The following DPP6 variants were observed in gnomAD, a reference collection of about 807,000 sequenced individuals.
The protein encoded by DPP6 is A-type potassium channel modulatory protein DPP6.
A neutral mutation model predicts 122.6 loss-of-function variants in DPP6; 69 were observed. That is an observed-to-expected ratio of 0.56 (90% CI 0.46 to 0.69). The LOEUF (loss-of-function observed/expected upper bound fraction) is 0.69, where lower values mean the gene tolerates loss of function less well. Ranked by LOEUF, DPP6 falls within the 30% of genes least tolerant of loss-of-function variation. The pLI is 0.00. For missense variants in DPP6, 928 were observed against 1,116.9 expected (o/e 0.83, Z 2.41); for synonymous variants, 418 against 433.1 (o/e 0.97, Z 0.43).
intron 1 of DPP6, among the ~76,000 whole-genome samples, chr7:154,236,976 C>T (rs1414234838): frequency 1.3e-5 from 2 of 152,184 alleles, no homozygotes; most frequent in African/African-American, 4.8e-5. Context: ...CCTTTACTCA[C>T]CCCCTGTGTC....
At chr7:154,150,774 C>T (rs1190859514) in intron 1 of DPP6, among the ~76,000 whole-genome samples, 1 of 152,210 alleles carries the variant, frequency 6.6e-6, no homozygotes, top group Non-Finnish European at 1.5e-5. Flanking sequence ...TACATTTATT[C>T]ATGCAGACGC....
chr7:154,605,177 A>G (rs1305378319), intron 5 of DPP6, among the ~76,000 whole-genome samples: 2 of 120,062 alleles, frequency 1.7e-5, no homozygotes, highest in African/African-American at 2.6e-5. Context: ...ATCTACTACT[A>G]TAATGATTTA....
chr7:154,105,506 TCA>T (rs1224380107), intron 1 of DPP6, among the ~76,000 whole-genome samples: 11 of 152,140 alleles, frequency 7.2e-5, no homozygotes, highest in Non-Finnish European at 1.5e-4. Flanking sequence ...TCCTTTGAAC[TCA>T]CAGTTTTAGA....
chr7:154,059,776 A>G (rs1801406675), intron 1 of DPP6, among the ~76,000 whole-genome samples: 1 of 151,250 alleles, frequency 6.6e-6, no homozygotes. Flanking sequence ...TGGCAGCTGG[A>G]CTTTTAACCC....
At position 154,601,805 on chromosome 7, in the gene DPP6, G is replaced by C. The variant is rs144003741; in HGVS notation, c.627+34889G>C. On this transcript the variant is annotated intron_variant, in intron 5 of 25. Coordinates refer to ENST00000377770, the MANE Select transcript of DPP6 (RefSeq NM_130797.4). ...CATCCATGAGCATTTGTTAGGTATTGTCCAAGGCTGTTTTTGTACTTCCAA... is the reference window on the plus strand; with the variant it reads ...CATCCATGAGCATTTGTTAGGTATTCTCCAAGGCTGTTTTTGTACTTCCAA... 1.7e-3 allele frequency among the ~76,000 whole-genome samples: 210 copies of C among 120,600 alleles called. 38 individuals are homozygous for C. Among genetic ancestry groups the C allele is most frequent in the African/African-American group, 4.7e-3 (180 of 38,034 alleles). 79.1% of individuals were successfully genotyped at this position (120,600 alleles called of 152,430 possible). A position where few individuals can be genotyped will look rare whatever the true frequency, so the allele number is the denominator to read the frequency against.
chr7:154,597,469 C>G (rs1465550657), intron 5 of DPP6, among the ~76,000 whole-genome samples: 1 of 151,988 alleles, frequency 6.6e-6, no homozygotes, highest in Non-Finnish European at 1.5e-5. Flanking sequence ...AAAAGTTAGC[C>G]AGGCGTGGTG....
At chr7:154,200,765 C>T (rs1189640615) in intron 1 of DPP6, among the ~76,000 whole-genome samples, 3 of 152,054 alleles carry the variant, frequency 2.0e-5, no homozygotes, top group Non-Finnish European at 2.9e-5. Context: ...TTTTAGAATA[C>T]GGAAATGCAA....
At chr7:153,836,902 A>G in the DPP6 span, among the ~76,000 whole-genome samples, 1 of 152,208 alleles carries the variant, frequency 6.6e-6, no homozygotes, top group African/African-American at 2.4e-5. Context: ...GTGAAAATAA[A>G]AGATACTTGG....
chr7:153,873,194 CAT>C, the DPP6 span, among the ~76,000 whole-genome samples: 36 of 152,308 alleles, frequency 2.4e-4, no homozygotes, highest in African/African-American at 8.2e-4. Context: ...CCATGGGAAT[CAT>C]GTGTGAGAAC....
At chr7:154,499,698 A>G (rs760933636) in intron 3 of DPP6, among the ~76,000 whole-genome samples, 60 of 152,254 alleles carry the variant, frequency 3.9e-4, no homozygotes, top group Admixed American at 9.2e-4. Flanking sequence ...TAGCTTGAAG[A>G]AGTAACAAGT....
At chr7:154,091,098 G>T (rs185310321) in intron 1 of DPP6, among the ~76,000 whole-genome samples, 4 of 149,664 alleles carry the variant, frequency 2.7e-5, no homozygotes, top group Admixed American at 2.7e-4. Flanking sequence ...TCCAGCTTGG[G>T]CAACAGAGCA....
chr7:153,837,862 T>TTTTTA, the DPP6 span, among the ~76,000 whole-genome samples: 1 of 146,526 alleles, frequency 6.8e-6, no homozygotes, highest in Non-Finnish European at 1.5e-5. Context: ...TTTTTTTTTT[T>TTTTTA]AGTAGAGATG....
chr7:154,868,595 C>T (rs1013892277), intron 18 of DPP6, among the ~76,000 whole-genome samples: 12 of 152,164 alleles, frequency 7.9e-5, no homozygotes, highest in African/African-American at 2.4e-4. Context: ...CTTGAACTGT[C>T]CCTCCAGTCA....
At chr7:154,338,689 G>C (rs1809644095) in intron 1 of DPP6, among the ~76,000 whole-genome samples, 1 of 152,156 alleles carries the variant, frequency 6.6e-6, no homozygotes, top group African/African-American at 2.4e-5. Context: ...TACATTGTCA[G>C]CTTCTTTACA....
intron 1 of DPP6, among the ~76,000 whole-genome samples, chr7:154,194,182 T>C (rs763300862): frequency 4.6e-5 from 7 of 152,168 alleles, no homozygotes; most frequent in Non-Finnish European, 1.0e-4. Context: ...ACTGTTGGTA[T>C]AGCTTGAAAA....
chr7:154,517,552 A>T (rs1826622594), intron 3 of DPP6, among the ~76,000 whole-genome samples: 1 of 152,136 alleles, frequency 6.6e-6, no homozygotes, highest in South Asian at 2.1e-4. Context: ...ATTCACACGC[A>T]GTTGTTTCTG....
intron 1 of DPP6, among the ~76,000 whole-genome samples, chr7:154,435,916 T>C (rs1262436772): frequency 6.6e-6 from 1 of 152,190 alleles, no homozygotes; most frequent in Non-Finnish European, 1.5e-5. Context: ...GTCGTTTATT[T>C]TCTCCCAATA....
At chr7:154,150,820 A>C (rs1057179686) in intron 1 of DPP6, among the ~76,000 whole-genome samples, 4 of 152,174 alleles carry the variant, frequency 2.6e-5, no homozygotes, top group African/African-American at 9.6e-5. Flanking sequence ...CTGGTGATTC[A>C]AGTTGGGAGA....
At chr7:154,826,267 TAA>T (rs775316829) in intron 16 of DPP6, among the ~76,000 whole-genome samples, 6 of 152,232 alleles carry the variant, frequency 3.9e-5, no homozygotes, top group African/African-American at 7.2e-5. Flanking sequence ...TAGCTTTAGA[TAA>T]AGTCTCTGTC....
Sources: allele counts gnomAD v4.1 joint callset (sites outside exome capture counted in the v4.1 genomes callset), GRCh38; gene constraint gnomAD v4.1.1; transcripts MANE v1.5; gene names NCBI Gene and HGNC (gene_info 2026-07-23, HGNC 2026-07-21).